MET: variants seen among roughly 807,000 people sequenced by gnomAD.
MET encodes hepatocyte growth factor receptor.
MET carries 48 observed loss-of-function variants against 133.1 expected under a neutral mutation model. The ratio of observed to expected loss-of-function variants is 0.36; its 90% CI spans 0.29 to 0.46. MET has a LOEUF of 0.46. Among genes scored for constraint, MET ranks in the 20% least tolerant of loss-of-function variants. MET has a pLI of 1.00. For missense variants in MET, 1,442 were observed against 1,695.9 expected (o/e 0.85, Z 2.63); for synonymous variants, 628 against 616.5 (o/e 1.02, Z -0.28).
At chr7:116,691,925 G>A (rs1039176355) in intron 1 of MET, among the ~76,000 whole-genome samples, 2 of 152,204 alleles carry the variant, frequency 1.3e-5, no homozygotes, top group Non-Finnish European at 2.9e-5. Flanking sequence ...TAGACCATGT[G>A]ATTGACAGTC....
intron 2 of MET, among the ~76,000 whole-genome samples, chr7:116,719,805 T>C (rs562072771): frequency 0.01 from 1,564 of 152,034 alleles, 13 homozygotes; most frequent in Middle Eastern, 0.027. Context: ...GTTGTAGATA[T>C]GCAGCGTTAT....
intron 19 of MET, among the ~76,000 whole-genome samples, chr7:116,787,626 T>G (rs770598900): frequency 6.6e-6 from 1 of 152,194 alleles, no homozygotes; most frequent in Non-Finnish European, 1.5e-5. Flanking sequence ...AATTCACCCA[T>G]GAGAGTAGAG....
At chr7:116,692,617 C>T (rs1193360661) in intron 1 of MET, among the ~76,000 whole-genome samples, 3 of 152,102 alleles carry the variant, frequency 2.0e-5, no homozygotes, top group Admixed American at 6.5e-5. Flanking sequence ...CAGATTAAGT[C>T]GCTGGTTTTA....
intron 9 of MET, among the ~76,000 whole-genome samples, chr7:116,758,978 T>G (rs1794294577): frequency 6.6e-6 from 1 of 152,222 alleles, no homozygotes; most frequent in Non-Finnish European, 1.5e-5. Context: ...ATTCTCTAGA[T>G]ATGTTTTTGT....
chr7:116,711,152 T>A (rs896152858), intron 2 of MET, among the ~76,000 whole-genome samples: 4 of 152,278 alleles, frequency 2.6e-5, no homozygotes, highest in African/African-American at 9.6e-5. Context: ...TTTCCTTTTG[T>A]ACTCTGAAGT....
intron 12 of MET, among the ~76,000 whole-genome samples, chr7:116,771,235 G>C (rs1483523557): frequency 6.6e-6 from 1 of 152,222 alleles, no homozygotes; most frequent in African/African-American, 2.4e-5. Context: ...TTCAGTTCCT[G>C]TTTTTTGTAC....
At chr7:116,755,279 TG>T (rs1359115935) in intron 5 of MET, 75 bp from the exon 6 acceptor site, 1 of 1,495,842 alleles carries the variant, frequency 6.7e-7, no homozygotes, top group African/African-American at 1.4e-5. Flanking sequence ...ATATACATTT[TG>T]TTTGTTCGTT....
At chr7:116,765,762 A>G (rs1054289040) in intron 11 of MET, among the ~76,000 whole-genome samples, 3 of 152,186 alleles carry the variant, frequency 2.0e-5, no homozygotes, top group African/African-American at 4.8e-5. Flanking sequence ...GTACTTTGGC[A>G]TATTTTATTT....
intron 5 of MET, among the ~76,000 whole-genome samples, chr7:116,743,220 C>T (rs1793532032): frequency 6.6e-6 from 1 of 152,246 alleles, no homozygotes; most frequent in Non-Finnish European, 1.5e-5. Context: ...CTACACTTCC[C>T]TATGGTTTTG....
chr7:116,718,159 C>A (rs1211769235), intron 2 of MET, among the ~76,000 whole-genome samples: 2 of 152,142 alleles, frequency 1.3e-5, no homozygotes, highest in East Asian at 3.9e-4. Flanking sequence ...GAAGCCGAGA[C>A]AGGTGGATCA....
At chr7:116,717,509 C>A (rs1024835463) in intron 2 of MET, among the ~76,000 whole-genome samples, 2 of 152,184 alleles carry the variant, frequency 1.3e-5, no homozygotes, top group African/African-American at 4.8e-5. Context: ...GAGGTACTTT[C>A]TATTTCAAAA....
intron 2 of MET, among the ~76,000 whole-genome samples, chr7:116,730,292 C>T (rs756277216): frequency 5.9e-5 from 9 of 152,118 alleles, no homozygotes; most frequent in Non-Finnish European, 1.2e-4. Context: ...AAGGCCTGCT[C>T]GCTGGAGCAC....
At position 116,775,031 on chromosome 7, in the gene MET, C is replaced by T. The variant is rs1007674490; in HGVS notation, c.3179C>T (p.Pro1060Leu). The T allele has an allele frequency of 6.2e-7, 1 of 1,614,064 alleles. No individual in the cohort carries two copies. The highest frequency in any genetic ancestry group is 1.3e-5 in the African/African-American group (1 of 74,918). Residue 1060 changes from proline to leucine, a missense_variant, in exon 15 of 21, where the codon CCA (proline) becomes CTA (leucine). Pro to Leu is a moderately conservative substitution (Grantham distance 98, BLOSUM62 -3). Around this residue, in one of 6 missense-constraint regions of MET, gnomAD observed 514 missense variants for 659.6 expected, o/e 0.78. Coordinates refer to ENST00000397752, the MANE Select transcript of MET (RefSeq NM_000245.4). ...TVHIDLSALN[P>L]ELVQAVQHVV... ...CACATTGACCTCAGTGCTCTAAATC[C>T]AGAGCTGGTCCAGGCAGTGCAGCAT...
chr7:116,751,158 A>G (rs1793905242), intron 5 of MET, among the ~76,000 whole-genome samples: 1 of 152,228 alleles, frequency 6.6e-6, no homozygotes, highest in South Asian at 2.1e-4. Context: ...AATAGCAAAG[A>G]CTTGGAACCA....
chr7:116,723,522 T>C (rs1792587311), intron 2 of MET, among the ~76,000 whole-genome samples: 1 of 152,254 alleles, frequency 6.6e-6, no homozygotes, highest in Non-Finnish European at 1.5e-5. Context: ...CCGTTGCTGG[T>C]GAGGAACTGC....
At chr7:116,688,818 A>G (rs1340033870) in intron 1 of MET, among the ~76,000 whole-genome samples, 1 of 152,220 alleles carries the variant, frequency 6.6e-6, no homozygotes, top group African/African-American at 2.4e-5. Flanking sequence ...TTATGCTAAC[A>G]GGCAGCCATT....
chr7:116,762,492 T>C (rs891805785), intron 10 of MET, among the ~76,000 whole-genome samples: 6 of 152,216 alleles, frequency 3.9e-5, no homozygotes, highest in Non-Finnish European at 7.3e-5. Context: ...CTAATAAGAT[T>C]ACCTAACAAC....
intron 19 of MET, among the ~76,000 whole-genome samples, chr7:116,792,444 C>G (rs1795533638): frequency 7.4e-6 from 1 of 135,754 alleles, no homozygotes; most frequent in South Asian, 2.6e-4. Context: ...CCCGACCCCC[C>G]CTCAACCGAC....
chr7:116,759,132 T>C lies in MET; in HGVS notation c.2265-259T>C, dbSNP rs77522444. Among the ~76,000 whole-genome samples the C allele has an allele frequency of 2.4e-3, 368 of 152,366 alleles. 1 individual carries two copies. Among genetic ancestry groups the C allele is most frequent in the African/African-American group, 8.6e-3 (357 of 41,594 alleles). ...AAGTTCGGTTTTCTTTGTATTTTTT[T>C]CAGAGGTGAAATATTTATTTTGTGT... On this transcript the variant is annotated intron_variant, in intron 9 of 20. Transcript: ENST00000397752.
Sources: gnomAD v4.1 joint callset for allele counts (sites outside exome capture counted in the v4.1 genomes callset) on GRCh38, gnomAD v4.1.1 for gene constraint, gnomAD v4.1.1 regional missense constraint, MANE v1.5 for transcripts, NCBI Gene and HGNC (gene_info 2026-07-23, HGNC 2026-07-21) for gene names.